Variants in IGFL2 observed in about 807,000 individuals in gnomAD.
IGFL2 encodes insulin growth factor-like family member 2.
Under a neutral mutation model 13.9 loss-of-function variants are expected in IGFL2, and 7 were observed. The ratio of observed to expected loss-of-function variants is 0.51; its 90% confidence interval spans 0.29 to 0.95. The LOEUF is 0.95. Among genes scored for constraint, IGFL2 ranks in the 40% least tolerant of loss-of-function variants. The pLI, the probability that IGFL2 is intolerant of heterozygous loss-of-function variation, is 0.08. For synonymous variants in IGFL2, 55 were observed against 55.8 expected, an observed-to-expected ratio of 0.99 and a Z score of 0.07; for missense variants, 138 against 147.8, an observed-to-expected ratio of 0.93 and a Z score of 0.34.
the IGFL2 span, among the ~76,000 whole-genome samples, chr19:46,127,189 C>A: frequency 6.6e-6 from 1 of 152,042 alleles, no homozygotes; most frequent in Non-Finnish European, 1.5e-5. Flanking sequence ...AGTTCAAGAC[C>A]AGCCTGGGCA....
chr19:46,171,447 C>G, the IGFL2 span, among the ~76,000 whole-genome samples: 2 of 152,138 alleles, frequency 1.3e-5, no homozygotes, highest in East Asian at 1.9e-4. Flanking sequence ...AAGATAATCT[C>G]TACTGATAAA....
At chr19:46,126,799 G>A in the IGFL2 span, among the ~76,000 whole-genome samples, 1 of 152,272 alleles carries the variant, frequency 6.6e-6, no homozygotes, top group Admixed American at 6.5e-5. Flanking sequence ...GAAGTGTCAA[G>A]AATATTAACC....
At chr19:46,161,399 A>C (rs1418959290), downstream of IGFL2, 3 of 267,192 alleles carry the variant, frequency 1.1e-5, no homozygotes, top group Non-Finnish European at 2.1e-5. Flanking sequence ...GATTGAACTC[A>C]GTTCTGCTGA....
At chr19:46,108,423 T>C in the IGFL2 span, among the ~76,000 whole-genome samples, 1 of 152,216 alleles carries the variant, frequency 6.6e-6, no homozygotes, top group Non-Finnish European at 1.5e-5. Context: ...ATCAAGTTTG[T>C]ATTGACACCA....
the IGFL2 span, chr19:46,203,965 T>A: frequency 6.6e-6 from 1 of 152,260 alleles, no homozygotes; most frequent in East Asian, 1.9e-4. Context: ...GATCCACCCG[T>A]CTCGGCCTCC....
the IGFL2 span, among the ~76,000 whole-genome samples, chr19:46,179,264 A>G: frequency 8.1e-6 from 1 of 123,460 alleles, no homozygotes. Context: ...CAGGAGTCTG[A>G]GCAGAGCTGG....
the IGFL2 span, among the ~76,000 whole-genome samples, chr19:46,206,499 G>A: frequency 6.6e-6 from 1 of 152,174 alleles, no homozygotes; most frequent in Non-Finnish European, 1.5e-5. Flanking sequence ...GGGGTGAGGG[G>A]GAGCAACATG....
At chr19:46,117,546 A>G in the IGFL2 span, among the ~76,000 whole-genome samples, 1 of 152,118 alleles carries the variant, frequency 6.6e-6, no homozygotes, top group Admixed American at 6.5e-5. Flanking sequence ...TGGTATAATC[A>G]TAGCTCACTG....
At chr19:46,108,855 A>G in the IGFL2 span, among the ~76,000 whole-genome samples, 4 of 152,212 alleles carry the variant, frequency 2.6e-5, no homozygotes, top group Admixed American at 6.5e-5. Context: ...CCAGAAAGGG[A>G]AAGGAACCAA....
the IGFL2 span, among the ~76,000 whole-genome samples, chr19:46,107,604 T>A: frequency 4.6e-5 from 7 of 152,188 alleles, no homozygotes; most frequent in African/African-American, 1.7e-4. Flanking sequence ...TGGGTGGGGT[T>A]TCTCTCACAG....
the IGFL2 span, among the ~76,000 whole-genome samples, chr19:46,097,054 C>T: frequency 6.6e-6 from 1 of 152,240 alleles, no homozygotes; most frequent in Admixed American, 6.5e-5. Context: ...AGAAGTCCCT[C>T]CTTTTCAATT....
At chr19:46,149,551 C>T (rs564936323) in intron 1 of IGFL2, among the ~76,000 whole-genome samples, 12 of 151,886 alleles carry the variant, frequency 7.9e-5, no homozygotes, top group South Asian at 4.2e-4. Context: ...CTACCCTCAC[C>T]CTTGGCAACC....
chr19:46,198,469 G>A, the IGFL2 span: 5 of 151,914 alleles, frequency 3.3e-5, no homozygotes, highest in Non-Finnish European at 7.4e-5. Context: ...ATTCTGCCTC[G>A]GTATGTGGCT....
At chr19:46,123,132 G>GT in the IGFL2 span, among the ~76,000 whole-genome samples, 2 of 150,622 alleles carry the variant, frequency 1.3e-5, no homozygotes, top group Non-Finnish European at 2.9e-5. Context: ...TTTTTTAATA[G>GT]TTTTTTTAAT....
At chr19:46,139,489 C>T (rs1972761575), upstream of IGFL2, among the ~76,000 whole-genome samples, 1 of 151,898 alleles carries the variant, frequency 6.6e-6, no homozygotes, top group Admixed American at 6.6e-5. Context: ...AGAAAAGATA[C>T]ATCATGCAAA....
the IGFL2 span, among the ~76,000 whole-genome samples, chr19:46,124,959 T>C: frequency 3.3e-5 from 5 of 151,190 alleles, no homozygotes; most frequent in Non-Finnish European, 5.9e-5. Context: ...TTGGTCCTAC[T>C]CCAAGTTAGG....
chr19:46,182,078 A>G, the IGFL2 span, among the ~76,000 whole-genome samples: 55 of 152,296 alleles, frequency 3.6e-4, 1 homozygote, highest in African/African-American at 1.3e-3. Context: ...CAGTGGATAA[A>G]GAATTCTGGA....
At chr19:46,088,687 G>A in the IGFL2 span, among the ~76,000 whole-genome samples, 1 of 152,064 alleles carries the variant, frequency 6.6e-6, no homozygotes, top group Non-Finnish European at 1.5e-5. Context: ...GAGGCATTTG[G>A]GTGACAATAA....
upstream of IGFL2, among the ~76,000 whole-genome samples, chr19:46,138,792 G>A (rs900243844): frequency 6.6e-6 from 1 of 152,026 alleles, no homozygotes; most frequent in South Asian, 2.1e-4. Context: ...AGAGGCACTC[G>A]TATCAGACTG....
Sources: allele counts gnomAD v4.1 joint callset (sites outside exome capture counted in the v4.1 genomes callset), GRCh38; gene constraint gnomAD v4.1.1; transcripts MANE v1.5; gene names NCBI Gene and HGNC (gene_info 2026-07-23, HGNC 2026-07-21).